PCNX2: variants seen among roughly 807,000 people sequenced by gnomAD.
PCNX2 encodes pecanex-like protein 2.
PCNX2 carries 168 observed loss-of-function variants against 223.8 expected under a neutral mutation model. The observed-to-expected ratio is 0.75, with a 90% CI of 0.66 to 0.85. The LOEUF is 0.85. Ranked by LOEUF, PCNX2 falls within the 40% of genes least tolerant of loss-of-function variation. The pLI is 0.00. For synonymous variants in PCNX2, 1,006 were observed against 1,052.6 expected (o/e 0.96, Z 0.86); for missense variants, 2,507 against 2,675.5 (o/e 0.94, Z 1.39).
intron 15 of PCNX2, among the ~76,000 whole-genome samples, chr1:233,190,537 T>C (rs1680363215): frequency 6.6e-6 from 1 of 152,204 alleles, no homozygotes; most frequent in Non-Finnish European, 1.5e-5. Context: ...ACATTAAGGT[T>C]TGTTTGTTTG....
chr1:233,082,266 G>T (rs2102924109), intron 23 of PCNX2, among the ~76,000 whole-genome samples: 1 of 152,200 alleles, frequency 6.6e-6, no homozygotes, highest in East Asian at 1.9e-4. Context: ...AATACAAGAA[G>T]ATGAGGATCG....
chr1:233,279,860 G>A (rs1572196646), intron 1 of PCNX2, among the ~76,000 whole-genome samples: 1 of 152,280 alleles, frequency 6.6e-6, no homozygotes, highest in South Asian at 2.1e-4. Flanking sequence ...AACAGATTTT[G>A]TTTGGTTATG....
chr1:233,026,174 G>T (rs1350741380), intron 25 of PCNX2, among the ~76,000 whole-genome samples: 2 of 152,232 alleles, frequency 1.3e-5, no homozygotes, highest in African/African-American at 4.8e-5. Flanking sequence ...ATCGGAGAAG[G>T]TCTCCCTGGG....
intron 20 of PCNX2, among the ~76,000 whole-genome samples, chr1:233,138,256 G>A (rs1411933052): frequency 6.6e-6 from 1 of 152,136 alleles, no homozygotes; most frequent in African/African-American, 2.4e-5. Context: ...ACAGGGGATG[G>A]AGAATAATAT....
At chr1:233,182,999 G>A (rs1679889830) in intron 15 of PCNX2, among the ~76,000 whole-genome samples, 1 of 152,232 alleles carries the variant, frequency 6.6e-6, no homozygotes, top group South Asian at 2.1e-4. Flanking sequence ...TAAGTCACAA[G>A]GACAGAGTAG....
rs188041996 is a variant in PCNX2, at chr1:233,139,847, G to A, written c.3526C>T (p.His1176Tyr). 4,954 of 1,611,472 alleles carry A rather than the reference G, an allele frequency of 3.1e-3. 11 individuals carry two copies. Among genetic ancestry groups the A allele is most frequent in the Non-Finnish European group, 4.0e-3 (4,659 of 1,179,036 alleles). ...TAGAGTCTTTCGAACCACATTAAAT[G>A]GGCAACATCTGAAAGAAATATAAAA... Reference protein sequence around the residue: ...YHQREVRDVAHLMWFERLYVW... With the variant: ...YHQREVRDVAYLMWFERLYVW... Residue 1176 changes from histidine (H) to tyrosine (Y), a missense_variant, in exon 20 of 34, where the codon CAT (histidine) becomes TAT (tyrosine). Transcript: ENST00000258229. This position sits in a 1 kb window ranked among gnomAD's most constrained non-coding sequence, Gnocchi z 4.4.
At chr1:233,185,082 TAAACAC>T (rs1454952044) in intron 15 of PCNX2, among the ~76,000 whole-genome samples, 1 of 93,774 alleles carries the variant, frequency 1.1e-5, no homozygotes, top group African/African-American at 4.2e-5. Flanking sequence ...TATACATACA[TAAACAC>T]ACACACACAC....
At chr1:233,127,234 G>A (rs1158043969) in intron 21 of PCNX2, among the ~76,000 whole-genome samples, 2 of 152,010 alleles carry the variant, frequency 1.3e-5, no homozygotes, top group Non-Finnish European at 1.5e-5. Flanking sequence ...TGGGTCCTTC[G>A]AGATCCATCT....
chr1:233,261,805 G>A (rs117156077), intron 3 of PCNX2, among the ~76,000 whole-genome samples: 1,556 of 152,330 alleles, frequency 0.01, 15 homozygotes, highest in South Asian at 0.028. Flanking sequence ...ACCCAGCAGC[G>A]CAGGTGGACG....
At chr1:233,057,679 G>C (rs114043930) in intron 23 of PCNX2, 25,398 of 184,810 alleles carry the variant, frequency 0.14, 2,137 homozygotes, top group African/African-American at 0.24. Context: ...GTACCAGTCT[G>C]GCAAACAGTG....
At chr1:233,082,042 A>G (rs1212716641) in intron 23 of PCNX2, among the ~76,000 whole-genome samples, 6 of 152,092 alleles carry the variant, frequency 3.9e-5, no homozygotes, top group Admixed American at 3.3e-4. Context: ...GCTTCAGGAT[A>G]TAACAGGAAG....
At chr1:233,024,489 G>A (rs559342495) in intron 26 of PCNX2, among the ~76,000 whole-genome samples, 7 of 152,148 alleles carry the variant, frequency 4.6e-5, no homozygotes, top group South Asian at 2.1e-4. Flanking sequence ...CACGGCTCTC[G>A]CCTGCCCCTT....
At position 233,001,435 on chromosome 1, in the gene PCNX2, T is replaced by G. The variant is rs1004274798; in HGVS notation, c.5097+102A>C. The G allele has an allele frequency of 1.2e-5, 9 of 732,612 alleles. No individual in the cohort carries two copies. The South Asian group carries it at 5.1e-4, about 41-fold the overall frequency. The allele number at this position is 732,612 out of a possible 1,614,324, so 45.4% of individuals were successfully genotyped here. On this transcript the variant is annotated intron_variant, in intron 29 of 33. Coordinates refer to ENST00000258229, the MANE Select transcript of PCNX2 (RefSeq NM_014801.4). This position sits in a 1 kb window ranked among gnomAD's most constrained non-coding sequence, Gnocchi z 4.2. ...TGGAGGTTGTGGTGAGCCGAGATTG[T>G]GCCATTGCACCCCAGCCTGGGCAAC...
chr1:233,218,156 C>T lies in PCNX2; in HGVS notation c.2533G>A (p.Ala845Thr). The change falls in exon 11 of 34, where the codon GCG becomes ACG. Residue 845 changes from alanine to threonine, a missense_variant. Ala to Thr is a moderately conservative substitution (Grantham distance 58). This residue lies in a region of PCNX2 where 104 missense variants were observed against 144.4 expected (regional missense o/e 0.72). Transcript: ENST00000258229. ...GAAACCAGGACAATGAGTAAAATCG[C>T]CAGTACATTCTCCTTGATGTCTTCA... is the stretch of plus-strand genomic sequence containing the variant. ...RTEDIKENVLAILLIVLVSLL... is the reference protein window; with the variant it reads ...RTEDIKENVLTILLIVLVSLL... 1 of 1,530,356 alleles carries T rather than the reference C, an allele frequency of 6.5e-7. No homozygotes were observed. The highest frequency in any genetic ancestry group is 8.8e-7 in the Non-Finnish European group (1 of 1,137,910). The allele number at this position is 1,530,356 out of a possible 1,614,324, so 94.8% of individuals were successfully genotyped here.
intron 23 of PCNX2, among the ~76,000 whole-genome samples, chr1:233,068,703 T>C (rs1672723520): frequency 6.6e-6 from 1 of 151,862 alleles, no homozygotes; most frequent in Non-Finnish European, 1.5e-5. Context: ...CACTAAAAGA[T>C]ACACTCAAAA....
At position 233,252,777 on chromosome 1, in the gene PCNX2, G is replaced by A; in HGVS notation, c.1846C>T (p.Gln616Ter). The change falls in exon 6 of 34, where the codon CAG becomes TAG. Residue 616 changes from glutamine to a stop codon, truncating the protein, a stop_gained. Transcript: ENST00000258229. LOFTEE classifies it high-confidence loss of function. Reference protein sequence around the residue: ...ESGLLRDNCSQEKKEEILENE... With the variant: ...ESGLLRDNCS ...TCCAGGATTTCCTCCTTTTTTTCCTGGGAACAGTTATCTGAAAAACATTGC... is the reference window on the plus strand; with the variant it reads ...TCCAGGATTTCCTCCTTTTTTTCCTAGGAACAGTTATCTGAAAAACATTGC... The A allele has an allele frequency of 6.2e-7, 1 of 1,609,162 alleles. No homozygotes were observed. The highest frequency in any genetic ancestry group is 1.1e-5 in the South Asian group (1 of 90,006).
At position 232,984,423 on chromosome 1, in the gene PCNX2, C is replaced by T. The variant is rs577801550; in HGVS notation, c.6295G>A (p.Asp2099Asn). 2 of 1,613,780 alleles carry T rather than the reference C, an allele frequency of 1.2e-6. No individual in the cohort carries two copies. The highest frequency in any genetic ancestry group is 2.7e-5 in the African/African-American group (2 of 75,020). ...PDATEQGQLH[D>N]RCLAEAVADT... ...GCCACAGCCTCAGCCAGACATCGGT[C>T]ATGAAGCTGCCCCTGCTCGGTGGCA... The change falls in exon 34 of 34, where the codon GAC becomes AAC. Residue 2099 changes from aspartate (D) to asparagine (N), a missense_variant. Physicochemically the swap from Asp to Asn is conservative, Grantham distance 23. Coordinates refer to ENST00000258229, the MANE Select transcript of PCNX2 (RefSeq NM_014801.4).
intron 21 of PCNX2, chr1:233,112,773 A>T (rs1017114393): frequency 2.5e-6 from 3 of 1,178,244 alleles, no homozygotes; most frequent in Non-Finnish European, 3.2e-6. Flanking sequence ...TTAAGCAAAA[A>T]TGAAGAAAAA....
chr1:233,174,645 G>T (rs903589474), intron 17 of PCNX2, among the ~76,000 whole-genome samples: 2 of 151,872 alleles, frequency 1.3e-5, no homozygotes, highest in Admixed American at 6.6e-5. Flanking sequence ...AATTAAATAG[G>T]CTTTTTTTTG....
Sources: gnomAD v4.1 joint callset for allele counts (sites outside exome capture counted in the v4.1 genomes callset) on GRCh38, gnomAD v4.1.1 for gene constraint, gnomAD v4.1.1 regional missense constraint, Gnocchi (gnomAD v3.1) non-coding constraint, MANE v1.5 for transcripts, NCBI Gene and HGNC (gene_info 2026-07-23, HGNC 2026-07-21) for gene names.